HECW1: variants seen among roughly 807,000 people sequenced by gnomAD.
HECW1 encodes HECT, C2 and WW domain containing E3 ubiquitin protein ligase 1.
In HECW1, 61 loss-of-function variants were observed where a neutral mutation model predicts 182.3. The ratio of observed to expected loss-of-function variants is 0.33; its 90% CI spans 0.27 to 0.41. HECW1 has a LOEUF of 0.41. Ranked by LOEUF, HECW1 falls within the 10% of genes least tolerant of loss-of-function variation. HECW1 has a pLI of 1.00. For synonymous variants in HECW1, 859 were observed against 832.6 expected (o/e 1.03, Z -0.55); for missense variants, 1,739 against 2,108.9 (o/e 0.82, Z 3.44).
chr7:43,565,576 A>G lies in HECW1; in HGVS notation c.*3650A>G, dbSNP rs555810205. On this transcript the variant is annotated 3_prime_UTR_variant, in exon 30 of 30. Coordinates refer to ENST00000395891, the MANE Select transcript of HECW1 (RefSeq NM_015052.5). ...GTGGTGCTTTATTATTATTATTATT[A>G]TTATTTTTATTATTATTATTATTAC... 1 of 163,240 alleles carries G rather than the reference A, an allele frequency of 6.1e-6. No homozygotes were observed. The highest frequency in any genetic ancestry group is 1.3e-5 in the Non-Finnish European group (1 of 77,978). 10.1% of individuals were successfully genotyped at this position (163,240 alleles called of 1,614,324 possible).
intron 24 of HECW1, among the ~76,000 whole-genome samples, chr7:43,520,459 C>T (rs1418694402): frequency 6.6e-6 from 1 of 152,094 alleles, no homozygotes; most frequent in Non-Finnish European, 1.5e-5. Flanking sequence ...GCTCTGCTGC[C>T]CATATGTGCG....
chr7:43,132,382 C>T (rs550685687), intron 2 of HECW1, among the ~76,000 whole-genome samples: 1 of 152,318 alleles, frequency 6.6e-6, no homozygotes, highest in Admixed American at 6.5e-5. Flanking sequence ...TCCTATTCCC[C>T]AATAACCTTG....
intron 8 of HECW1, among the ~76,000 whole-genome samples, chr7:43,419,052 G>C (rs2152855587): frequency 6.6e-6 from 1 of 152,312 alleles, no homozygotes; most frequent in African/African-American, 2.4e-5. Context: ...GTGCGTGTAT[G>C]ATTCTGGGAT....
At chr7:43,140,367 T>C (rs1294009005) in intron 2 of HECW1, among the ~76,000 whole-genome samples, 1 of 152,196 alleles carries the variant, frequency 6.6e-6, no homozygotes, top group Non-Finnish European at 1.5e-5. Context: ...TGAGCGACTG[T>C]GCCCCCTCGT....
At chr7:43,220,773 A>G (rs537102219) in intron 2 of HECW1, among the ~76,000 whole-genome samples, 39 of 152,328 alleles carry the variant, frequency 2.6e-4, no homozygotes, top group African/African-American at 9.4e-4. Context: ...TAGGTTTAGG[A>G]AAGCCACCAA....
intron 2 of HECW1, among the ~76,000 whole-genome samples, chr7:43,137,560 A>ATTTATTTG (rs1787694200): frequency 7.3e-6 from 1 of 136,872 alleles, no homozygotes. Context: ...TTATTTATTT[A>ATTTATTTG]TTTATTTGAG....
chr7:43,179,188 A>T (rs1792552569), intron 2 of HECW1, among the ~76,000 whole-genome samples: 1 of 152,252 alleles, frequency 6.6e-6, no homozygotes, highest in African/African-American at 2.4e-5. Flanking sequence ...AATGCAAAAT[A>T]GCCAAACCAA....
chr7:43,409,214 T>C (rs1375722593), intron 8 of HECW1, among the ~76,000 whole-genome samples: 1 of 152,222 alleles, frequency 6.6e-6, no homozygotes, highest in African/African-American at 2.4e-5. Flanking sequence ...AGACTTGTAC[T>C]TAAACTTCCT....
At chr7:43,525,014 A>G (rs1338833483) in intron 24 of HECW1, among the ~76,000 whole-genome samples, 1 of 152,236 alleles carries the variant, frequency 6.6e-6, no homozygotes, top group African/African-American at 2.4e-5. Flanking sequence ...GCATCCTAAT[A>G]TAAAATAGGG....
rs1490599171 is a variant in HECW1 at position 43,374,571 on chromosome 7, G to A, written c.555+13591G>A. ...GGGCGGATCACGAGGTCAGGAGATC[G>A]AGACCATCCCGGCTAAAACGGTGAA... On this transcript the variant is annotated intron_variant, in intron 6 of 29. Transcript: ENST00000395891. 5.8e-5 allele frequency among the ~76,000 whole-genome samples: 3 copies of A among 51,932 alleles called. 1 individual carries two copies. Among genetic ancestry groups the A allele is most frequent in the African/African-American group, 2.0e-4 (1 of 5,074 alleles). The allele number at this position is 51,932 out of a possible 152,430, so 34.1% of individuals were successfully genotyped here. A position where few individuals can be genotyped will look rare whatever the true frequency, so the allele number is the denominator to read the frequency against.
At chr7:43,375,794 A>G (rs1420475842) in intron 6 of HECW1, among the ~76,000 whole-genome samples, 1 of 148,812 alleles carries the variant, frequency 6.7e-6, no homozygotes, top group Non-Finnish European at 1.5e-5. Context: ...TGGAGGGACT[A>G]TGGTGAGAGG....
rs867348689 is a variant in HECW1, at chr7:43,155,863, G to A, written c.-32+41472G>A. 2.6e-5 allele frequency among the ~76,000 whole-genome samples: 4 copies of A among 152,340 alleles called. No homozygotes were observed. The Middle Eastern group carries it at 0.01, about 389-fold the overall frequency. ...GTACAACAATCTTACAGGTGTAACA[G>A]CAGATTCGTGAATGAACACAAAAGG... On this transcript the variant is annotated intron_variant, in intron 2 of 29. Transcript: ENST00000395891.
intron 2 of HECW1, among the ~76,000 whole-genome samples, chr7:43,220,337 G>T (rs1796835923): frequency 6.6e-6 from 1 of 152,144 alleles, no homozygotes. Context: ...ACAGAGTATT[G>T]CCAGTAGAGA....
intron 24 of HECW1, among the ~76,000 whole-genome samples, chr7:43,539,913 C>G (rs1373632625): frequency 6.6e-6 from 1 of 152,178 alleles, no homozygotes; most frequent in Non-Finnish European, 1.5e-5. Flanking sequence ...CGGGAAAGGG[C>G]ACCCAGGAAT....
intron 24 of HECW1, chr7:43,523,000 G>C: frequency 2.4e-6 from 1 of 414,610 alleles, no homozygotes; most frequent in Non-Finnish European, 4.8e-6. Context: ...AGTTCTGCTT[G>C]TTTGTTTGTT....
chr7:43,482,785 C>T (rs1179405233), intron 17 of HECW1, among the ~76,000 whole-genome samples: 2 of 151,950 alleles, frequency 1.3e-5, no homozygotes, highest in East Asian at 3.9e-4. Context: ...TGCACCTGTG[C>T]TCCCAGCTTC....
intron 2 of HECW1, among the ~76,000 whole-genome samples, chr7:43,232,468 C>CACCAAAAGCCACCAAATG (rs1797970972): frequency 6.6e-6 from 1 of 152,228 alleles, no homozygotes; most frequent in Non-Finnish European, 1.5e-5. Context: ...CCCATACAAT[C>CACCAAAAGCCACCAAATG]TCAGTGGCTT....
At chr7:43,144,868 A>G (rs1221000748) in intron 2 of HECW1, among the ~76,000 whole-genome samples, 1 of 152,196 alleles carries the variant, frequency 6.6e-6, no homozygotes, top group Non-Finnish European at 1.5e-5. Context: ...TTGATGTTCG[A>G]AAACCCAATT....
intron 17 of HECW1, among the ~76,000 whole-genome samples, chr7:43,489,672 A>C (rs1047660865): frequency 1.3e-5 from 2 of 152,206 alleles, no homozygotes; most frequent in African/African-American, 4.8e-5. Context: ...TCTCTACCCA[A>C]CTTCCAGAAA....
Sources: allele counts gnomAD v4.1 joint callset (sites outside exome capture counted in the v4.1 genomes callset), GRCh38; gene constraint gnomAD v4.1.1; transcripts MANE v1.5; gene names NCBI Gene and HGNC (gene_info 2026-07-23, HGNC 2026-07-21).